Variants in RBFOX1 observed in about 807,000 individuals in gnomAD.
RBFOX1 encodes RNA binding fox-1 homolog 1.
A neutral mutation model predicts 57.7 loss-of-function variants in RBFOX1; 8 were observed. The observed-to-expected ratio is 0.14, with a 90% CI of 0.08 to 0.25. RBFOX1 has a LOEUF of 0.25. Among genes scored for constraint, RBFOX1 ranks in the 10% least tolerant of loss-of-function variants. The pLI is 1.00. For missense variants in RBFOX1, 611 were observed against 548.5 expected (o/e 1.11, Z -1.14); for synonymous variants, 326 against 222.4 (o/e 1.47, Z -4.15).
chr16:7,194,197 A>C (rs1393429799), intron 4 of RBFOX1, among the ~76,000 whole-genome samples: 2 of 152,218 alleles, frequency 1.3e-5, no homozygotes, highest in African/African-American at 4.8e-5. Context: ...TGTTTTTAGT[A>C]ATAAAATGGA....
intron 3 of RBFOX1, among the ~76,000 whole-genome samples, chr16:6,967,768 T>C (rs543099657): frequency 6.6e-6 from 1 of 152,196 alleles, no homozygotes; most frequent in South Asian, 2.1e-4. Context: ...TGTGGGACCC[T>C]GGGGAATGTG....
At chr16:7,198,677 C>T (rs1036456846) in intron 4 of RBFOX1, among the ~76,000 whole-genome samples, 5 of 152,158 alleles carry the variant, frequency 3.3e-5, no homozygotes, top group Admixed American at 6.5e-5. Context: ...TAGATGAACT[C>T]ACTTTTATAA....
chr16:7,481,297 G>A (rs576525243), intron 4 of RBFOX1, among the ~76,000 whole-genome samples: 3 of 152,258 alleles, frequency 2.0e-5, no homozygotes, highest in South Asian at 2.1e-4. Context: ...AATAGAAATC[G>A]CATTATCTAT....
At chr16:6,247,744 C>T (rs549826577) in intron 1 of RBFOX1, among the ~76,000 whole-genome samples, 7 of 152,308 alleles carry the variant, frequency 4.6e-5, no homozygotes, top group African/African-American at 1.7e-4. Context: ...CCTAGTCCTT[C>T]CCCACCAGGC....
At position 6,455,197 on chromosome 16, in the gene RBFOX1, A is replaced by C. The variant is rs115865131; in HGVS notation, c.-64+138140A>C. ...CGTGAGCCGCCACGCCTGGCCTACC[A>C]GGTGTTTTTCTAGGCCCTATTTTAG... On this transcript the variant is annotated intron_variant, in intron 2 of 15. Transcript: ENST00000550418. Among the ~76,000 whole-genome samples the C allele has an allele frequency of 4.2e-3, 633 of 151,980 alleles. 2 individuals are homozygous for C. The highest frequency in any genetic ancestry group is 0.024 in the Middle Eastern group (7 of 294).
chr16:5,700,411 C>T (rs912072308), intron 3 of RBFOX1, among the ~76,000 whole-genome samples: 1 of 151,954 alleles, frequency 6.6e-6, no homozygotes, highest in Non-Finnish European at 1.5e-5. Context: ...ATATTAGATT[C>T]ATAGTTGTTT....
Position 7,275,038 on chromosome 16 carries a change from C to T in RBFOX1, c.27+222940C>T, listed in dbSNP as rs562446971. Among the ~76,000 whole-genome samples, 15 of 151,974 alleles carry T rather than the reference C, an allele frequency of 9.9e-5. 1 individual carries two copies. The South Asian group carries it at 1.9e-3, about 19-fold the overall frequency. ...ATGTTCAAGAATCTGAGCAGGTGGT[C>T]GAAGGGTGGTGGAGAGGATAGGAAG... On this transcript the variant is annotated intron_variant, in intron 4 of 15. Transcript: ENST00000550418.
chr16:6,370,358 A>T (rs1275275971), intron 2 of RBFOX1, among the ~76,000 whole-genome samples: 7 of 61,032 alleles, frequency 1.1e-4, no homozygotes, highest in African/African-American at 6.0e-4. Context: ...ACTCCGTCTC[A>T]AAAGAAAAAA....
chr16:5,424,252 C>T (rs144193629), intron 1 of RBFOX1, among the ~76,000 whole-genome samples: 154 of 152,312 alleles, frequency 1.0e-3, no homozygotes, highest in African/African-American at 3.3e-3. Context: ...TGAGAGACAG[C>T]GCCACCTAAT....
intron 1 of RBFOX1, among the ~76,000 whole-genome samples, chr16:6,183,215 C>T (rs928104425): frequency 2.0e-5 from 3 of 151,908 alleles, no homozygotes; most frequent in Non-Finnish European, 4.4e-5. Flanking sequence ...GTTCAATGGC[C>T]TACACCTGTA....
rs2109030 is a variant in RBFOX1, at chr16:6,003,832, T to C, written c.351+136497T>C. Among the ~76,000 whole-genome samples, 548 of 152,336 alleles carry C rather than the reference T, an allele frequency of 3.6e-3. 3 individuals are homozygous for C. Among genetic ancestry groups the C allele is most frequent in the Admixed American group, 0.026 (398 of 15,302 alleles). On this transcript the variant is annotated intron_variant, in intron 4 of 19. Coordinates refer to the RBFOX1 transcript ENST00000641259. Reference sequence around the variant, plus strand: ...GTGAGGAGGGTCTGTGCCCCCCAACTGAGGCCTCTTGTCAAAGGCCTTCAA... The same window carrying C: ...GTGAGGAGGGTCTGTGCCCCCCAACCGAGGCCTCTTGTCAAAGGCCTTCAA...
At chr16:7,140,488 G>A (rs914084681) in intron 4 of RBFOX1, among the ~76,000 whole-genome samples, 1 of 151,906 alleles carries the variant, frequency 6.6e-6, no homozygotes, top group African/African-American at 2.4e-5. Flanking sequence ...TCAATTTATT[G>A]TTGGATACCC....
chr16:5,766,823 T>C (rs1334626407), intron 3 of RBFOX1, among the ~76,000 whole-genome samples: 1 of 152,200 alleles, frequency 6.6e-6, no homozygotes. Flanking sequence ...CTCTGCTCTC[T>C]ATCCCTCCCC....
chr16:7,115,871 T>C (rs2065799376), intron 4 of RBFOX1, among the ~76,000 whole-genome samples: 1 of 152,192 alleles, frequency 6.6e-6, no homozygotes, highest in Admixed American at 6.5e-5. Flanking sequence ...ATGCCTACGC[T>C]GGGGAGCACT....
rs2076808380 is a variant in RBFOX1, at chr16:7,518,312, C to T, written c.193C>T (p.Leu65=). The T allele has an allele frequency of 1.2e-6, 2 of 1,614,160 alleles. No homozygotes were observed. The highest frequency in any genetic ancestry group is 1.7e-6 in the Non-Finnish European group (2 of 1,180,018). The change falls in exon 5 of 16, where the codon CTG becomes TTG. Residue 65 remains leucine (L), a synonymous_variant. Coordinates refer to ENST00000550418, the MANE Select transcript of RBFOX1 (RefSeq NM_018723.4). The part of the protein sequence containing the change: ...QTTVPEHTLN[L]YPPAQTHSEQ... ...CACGGTTCCCGAGCACACATTAAAC[C>T]TGTACCCTCCCGCCCAGACGCACTC...
chr16:5,782,681 C>T (rs548629926), intron 3 of RBFOX1, among the ~76,000 whole-genome samples: 95 of 152,210 alleles, frequency 6.2e-4, no homozygotes, highest in African/African-American at 1.9e-3. Context: ...CATGCATGTG[C>T]GTTCCTGTTA....
intron 4 of RBFOX1, among the ~76,000 whole-genome samples, chr16:7,475,739 C>A (rs1467609225): frequency 6.6e-6 from 1 of 152,156 alleles, no homozygotes; most frequent in African/African-American, 2.4e-5. Context: ...CCTATCTGGG[C>A]CTCAGATTCC....
intron 1 of RBFOX1, among the ~76,000 whole-genome samples, chr16:6,120,968 T>C: frequency 6.6e-6 from 1 of 152,240 alleles, no homozygotes; most frequent in East Asian, 1.9e-4. Flanking sequence ...CAGATTTATT[T>C]CTATTATTTC....
At chr16:7,582,963 C>T (rs996283986) in intron 6 of RBFOX1, among the ~76,000 whole-genome samples, 1 of 152,152 alleles carries the variant, frequency 6.6e-6, no homozygotes, top group East Asian at 1.9e-4. Flanking sequence ...TTCGACCATA[C>T]CATCTGCAAC....
Sources: gnomAD v4.1 joint callset for allele counts (sites outside exome capture counted in the v4.1 genomes callset) on GRCh38, gnomAD v4.1.1 for gene constraint, MANE v1.5 for transcripts, NCBI Gene and HGNC (gene_info 2026-07-23, HGNC 2026-07-21) for gene names.